Variants in ANO2 observed in about 807,000 individuals in gnomAD.
The protein encoded by ANO2 is anoctamin 2.
Under a neutral mutation model 124.2 loss-of-function variants are expected in ANO2, and 101 were observed. The ratio of observed to expected loss-of-function variants is 0.81; its 90% CI spans 0.69 to 0.96. The LOEUF (loss-of-function observed/expected upper bound fraction) is 0.96, where lower values mean the gene tolerates loss of function less well. Among genes scored for constraint, ANO2 ranks in the 40% least tolerant of loss-of-function variants. The pLI is 0.00. For synonymous variants in ANO2, 486 were observed against 482.5 expected (o/e 1.01, Z -0.09); for missense variants, 1,293 against 1,274.5 (o/e 1.01, Z -0.22).
intron 3 of ANO2, among the ~76,000 whole-genome samples, chr12:5,897,675 T>C (rs1565759414): frequency 6.6e-6 from 1 of 151,940 alleles, no homozygotes; most frequent in African/African-American, 2.4e-5. Context: ...TGACGTTGGG[T>C]TAATGGGATA....
Position 5,565,588 on chromosome 12 carries a change from G to A in ANO2, c.2697C>T (p.Ser899=), listed in dbSNP as rs2277398. ...AGATTATGACAAAAGCCAGACGGGC[G>A]GACAGAATAAACCAGTACTGTTTCG... ...EFSKQYWFIL[S]ARLAFVIIFQ... is the part of the protein sequence containing the mutation. Residue 899 remains serine (S), a synonymous_variant, in exon 24 of 25, where the codon TCC becomes TCT. Coordinates refer to ENST00000682330, the MANE Select transcript of ANO2 (RefSeq NM_001364791.2). 0.44 allele frequency: 704,667 copies of A among 1,602,376 alleles called. 158,665 individuals carry two copies. Among genetic ancestry groups the A allele is most frequent in the Non-Finnish European group, 0.47 (547,486 of 1,173,952 alleles).
chr12:5,677,116 G>A (rs1948281569), intron 14 of ANO2, among the ~76,000 whole-genome samples: 1 of 151,160 alleles, frequency 6.6e-6, no homozygotes, highest in South Asian at 2.1e-4. Flanking sequence ...AAGAGACGGG[G>A]GTCTCAGGAT....
intron 14 of ANO2, among the ~76,000 whole-genome samples, chr12:5,718,142 G>A (rs1010790561): frequency 2.0e-5 from 3 of 152,244 alleles, no homozygotes; most frequent in African/African-American, 7.2e-5. Flanking sequence ...TAGCTCGAGA[G>A]GGAAAGAACA....
At chr12:5,809,043 C>G (rs954223764) in intron 7 of ANO2, among the ~76,000 whole-genome samples, 1 of 152,182 alleles carries the variant, frequency 6.6e-6, no homozygotes, top group Non-Finnish European at 1.5e-5. Context: ...AAGGGCCAGT[C>G]CTTTCCTGAT....
chr12:5,707,339 A>C (rs1949651425), intron 14 of ANO2, among the ~76,000 whole-genome samples: 1 of 152,180 alleles, frequency 6.6e-6, no homozygotes, highest in African/African-American at 2.4e-5. Context: ...TAAACTACTC[A>C]GTTTCGGGCA....
chr12:5,675,795 T>C (rs1405409962), intron 14 of ANO2, among the ~76,000 whole-genome samples: 1 of 152,230 alleles, frequency 6.6e-6, no homozygotes, highest in Non-Finnish European at 1.5e-5. Context: ...ATCTCAATGA[T>C]CTGTGCATTC....
At chr12:5,677,497 G>C (rs1948299714) in intron 14 of ANO2, among the ~76,000 whole-genome samples, 1 of 152,140 alleles carries the variant, frequency 6.6e-6, no homozygotes, top group Non-Finnish European at 1.5e-5. Flanking sequence ...TTGCAGAAAG[G>C]GGAGCAACAG....
intron 3 of ANO2, among the ~76,000 whole-genome samples, chr12:5,859,263 T>G (rs10774381): frequency 0.73 from 111,215 of 152,180 alleles, 41,313 homozygotes; most frequent in East Asian, 0.98. Flanking sequence ...CTGTAGGAAG[T>G]CCCAGGCCTG....
intron 10 of ANO2, among the ~76,000 whole-genome samples, chr12:5,777,023 A>G (rs982271662): frequency 1.4e-4 from 21 of 152,354 alleles, no homozygotes; most frequent in Admixed American, 8.5e-4. Flanking sequence ...GTTCTTTCAG[A>G]ACCTGGGACA....
chr12:5,903,250 C>T (rs896111432), intron 3 of ANO2, among the ~76,000 whole-genome samples: 1 of 152,024 alleles, frequency 6.6e-6, no homozygotes, highest in South Asian at 2.1e-4. Flanking sequence ...CAGAAAAAGA[C>T]AAAAGAGTTT....
At chr12:5,921,389 C>A in intron 2 of ANO2, 23 bp from the exon 3 acceptor site, 1 of 1,606,646 alleles carries the variant, frequency 6.2e-7, no homozygotes, top group Non-Finnish European at 8.5e-7. Flanking sequence ...AGAGGAGAGG[C>A]AGGGCAAGGT....
rs118176536 is a variant in ANO2 at position 5,900,711 on chromosome 12, G to A, written c.534+20329C>T. Among the ~76,000 whole-genome samples, 2,743 of 152,252 alleles carry A rather than the reference G, an allele frequency of 0.018. 38 individuals carry two copies. Among genetic ancestry groups the A allele is most frequent in the Middle Eastern group, 0.024 (7 of 292 alleles). On this transcript the variant is annotated intron_variant, in intron 3 of 24. Coordinates refer to ENST00000682330, the MANE Select transcript of ANO2 (RefSeq NM_001364791.2). This position sits in a 1 kb window ranked among gnomAD's most constrained non-coding sequence, Gnocchi z 4.2. The stretch of plus-strand genomic sequence containing the variant: ...AATCCCCTTCCCCATGGGTGGGGCC[G>A]GGACAGGAAATGGCCAAGCACACAG...
chr12:5,599,620 C>A lies in ANO2; in HGVS notation c.2097G>T (p.Lys699Asn), dbSNP rs747783573. ...NIFEIGVPKL[K>N]KLFRKLKDET... ...CATCTTTCAGCTTTCGAAATAGTTTCTTTAGCTTCCTGGAAAAGAAATGGA... is the reference window on the plus strand; with the variant it reads ...CATCTTTCAGCTTTCGAAATAGTTTATTTAGCTTCCTGGAAAAGAAATGGA... Residue 699 changes from lysine to asparagine, a missense_variant, in exon 20 of 25, where the codon AAG (lysine) becomes AAT (asparagine). Physicochemically the swap from Lys to Asn is moderately conservative, Grantham distance 94 (BLOSUM62 0). Coordinates refer to ENST00000682330, the MANE Select transcript of ANO2 (RefSeq NM_001364791.2). The A allele has an allele frequency of 6.2e-7, 1 of 1,613,598 alleles. No individual in the cohort carries two copies. Among genetic ancestry groups the A allele is most frequent in the Non-Finnish European group, 8.5e-7 (1 of 1,179,798 alleles).
intron 3 of ANO2, among the ~76,000 whole-genome samples, chr12:5,919,499 C>T (rs1401736345): frequency 2.8e-5 from 4 of 142,002 alleles, no homozygotes; most frequent in African/African-American, 1.0e-4. Flanking sequence ...GCACAAAGAC[C>T]TGAGGTCAAG....
chr12:5,657,247 A>G (rs1947204632), intron 14 of ANO2, among the ~76,000 whole-genome samples: 1 of 152,184 alleles, frequency 6.6e-6, no homozygotes, highest in South Asian at 2.1e-4. Context: ...AGGTTCAACT[A>G]TGTCTGAGAA....
At chr12:5,761,595 T>C (rs1951747783) in intron 10 of ANO2, among the ~76,000 whole-genome samples, 1 of 152,230 alleles carries the variant, frequency 6.6e-6, no homozygotes, top group African/African-American at 2.4e-5. Flanking sequence ...TTTGTGTCTG[T>C]CTATATGTTC....
At chr12:5,726,979 A>G (rs1363895415) in intron 14 of ANO2, among the ~76,000 whole-genome samples, 4 of 152,142 alleles carry the variant, frequency 2.6e-5, no homozygotes, top group Non-Finnish European at 4.4e-5. Flanking sequence ...GGGTCCTTAT[A>G]TATGGTTATC....
Position 5,635,720 on chromosome 12 carries a change from A to G in ANO2, c.1621-373T>C, listed in dbSNP as rs1326735266. ...GAGCTTTTGATCTTCTAAAGAGATA[A>G]CATGAACTCCTTTTAAATAAACCAT... On this transcript the variant is annotated intron_variant, in intron 15 of 24. Coordinates refer to ENST00000682330, the MANE Select transcript of ANO2 (RefSeq NM_001364791.2). This position sits in a 1 kb window ranked among gnomAD's most constrained non-coding sequence, Gnocchi z 5.2. Among the ~76,000 whole-genome samples, 3 of 152,162 alleles carry G rather than the reference A, an allele frequency of 2.0e-5. No homozygotes were observed. Among genetic ancestry groups the G allele is most frequent in the African/African-American group, 7.2e-5 (3 of 41,430 alleles).
chr12:5,629,818 T>G (rs1214283994), intron 16 of ANO2, among the ~76,000 whole-genome samples: 1 of 152,146 alleles, frequency 6.6e-6, no homozygotes, highest in Non-Finnish European at 1.5e-5. Context: ...CAGCTCCAAA[T>G]GCATTCCCTA....
Sources: gnomAD v4.1 joint callset for allele counts (sites outside exome capture counted in the v4.1 genomes callset) on GRCh38, gnomAD v4.1.1 for gene constraint, Gnocchi (gnomAD v3.1) non-coding constraint, MANE v1.5 for transcripts, NCBI Gene and HGNC (gene_info 2026-07-23, HGNC 2026-07-21) for gene names.